The following P2RX3 variants were observed in gnomAD, a reference collection of about 807,000 sequenced individuals.
P2RX3 encodes P2X purinoceptor 3.
In P2RX3, 41 loss-of-function variants were observed where a neutral mutation model predicts 51.5. That is an observed-to-expected ratio of 0.80 (90% CI 0.62 to 1.03). The LOEUF (loss-of-function observed/expected upper bound fraction) is 1.03, where lower values mean the gene tolerates loss of function less well. Ranked by LOEUF, P2RX3 falls within the 50% of genes least tolerant of loss-of-function variation. The pLI is 0.00. For missense variants in P2RX3, 459 were observed against 522.1 expected (o/e 0.88, Z 1.18); for synonymous variants, 185 against 191.6 (o/e 0.97, Z 0.29).
chr11:57,347,793 C>A (rs1856468725), intron 4 of P2RX3, among the ~76,000 whole-genome samples: 1 of 152,084 alleles, frequency 6.6e-6, no homozygotes. Context: ...TACCCAAAGG[C>A]TTCCTTGAGG....
chr11:57,344,901 C>CA (rs1420432857), intron 1 of P2RX3, among the ~76,000 whole-genome samples: 1 of 151,802 alleles, frequency 6.6e-6, no homozygotes, highest in East Asian at 1.9e-4. Flanking sequence ...TGGCTGGGAC[C>CA]CCCGGTACGT....
chr11:57,361,784 T>C (rs1302151386), intron 8 of P2RX3, among the ~76,000 whole-genome samples: 2 of 152,246 alleles, frequency 1.3e-5, no homozygotes, highest in Non-Finnish European at 2.9e-5. Flanking sequence ...GAATGATTTA[T>C]ATTCCTTTGG....
chr11:57,356,040 A>G (rs1856625385), intron 8 of P2RX3, among the ~76,000 whole-genome samples: 1 of 152,162 alleles, frequency 6.6e-6, no homozygotes, highest in Non-Finnish European at 1.5e-5. Flanking sequence ...TAAATAATAA[A>G]TGAAAGCCTA....
chr11:57,362,326 C>T (rs572717843), intron 8 of P2RX3, among the ~76,000 whole-genome samples: 4 of 152,076 alleles, frequency 2.6e-5, no homozygotes, highest in Non-Finnish European at 5.9e-5. Context: ...GTCAAGGTAT[C>T]GAATGGTCCT....
chr11:57,338,647 C>A lies in P2RX3; in HGVS notation c.97C>A (p.Leu33Met). ...IGIINRVVQL[L>M]IISYFVGWVF... ...GATCATCAACCGAGTAGTTCAGCTT[C>A]TGATCATCTCCTACTTTGTAGGGTG... The change falls in exon 1 of 12, where the codon CTG (leucine) becomes ATG (methionine). Residue 33 changes from leucine (L) to methionine (M), a missense_variant. Leu to Met is a conservative substitution (Grantham distance 15). Coordinates refer to ENST00000263314, the MANE Select transcript of P2RX3 (RefSeq NM_002559.5). 3 of 1,588,702 alleles carry A rather than the reference C, an allele frequency of 1.9e-6. No individual in the cohort carries two copies.
At position 57,350,821 on chromosome 11, in the gene P2RX3, G is replaced by A. The variant is rs775673862; in HGVS notation, c.765G>A (p.Gln255=). The change falls in exon 8 of 12, where the codon CAG becomes CAA. Residue 255 remains glutamine (Q), a synonymous_variant. Coordinates refer to ENST00000263314, the MANE Select transcript of P2RX3 (RefSeq NM_002559.5). ...GCGACTTGGACAAGGCCTGGGACCAGTGCATCCCCAAATACTCCTTCACCC... is the reference window on the plus strand; with the variant it reads ...GCGACTTGGACAAGGCCTGGGACCAATGCATCCCCAAATACTCCTTCACCC... ...WVCDLDKAWD[Q]CIPKYSFTRL... is the part of the protein sequence containing the mutation. 2 of 1,614,078 alleles carry A rather than the reference G, an allele frequency of 1.2e-6. No homozygotes were observed. The highest frequency in any genetic ancestry group is 4.5e-5 in the East Asian group (2 of 44,860).
chr11:57,360,102 A>G (rs1046048556), intron 8 of P2RX3, among the ~76,000 whole-genome samples: 1 of 152,208 alleles, frequency 6.6e-6, no homozygotes, highest in Non-Finnish European at 1.5e-5. Context: ...TAACTCATTC[A>G]GCTGTTGTGA....
chr11:57,347,208 GGGTGAAGCAGGTCAA>G (rs753929415), intron 3 of P2RX3, 21 bp downstream of exon 3: 22 of 1,611,004 alleles, frequency 1.4e-5, no homozygotes, highest in Non-Finnish European at 1.9e-5. Flanking sequence ...GACAGAGGTT[GGGTGAAGCAGGTCAA>G]GGCTGAAAAT....
At chr11:57,362,704 G>A (rs1052792522) in intron 8 of P2RX3, among the ~76,000 whole-genome samples, 2 of 152,208 alleles carry the variant, frequency 1.3e-5, no homozygotes, top group Non-Finnish European at 2.9e-5. Context: ...TTCACTCACT[G>A]TTGGTTTTGT....
chr11:57,369,419 A>G lies in P2RX3; in HGVS notation c.1061A>G (p.Lys354Arg). The change falls in exon 11 of 12, where the codon AAA becomes AGA. Residue 354 changes from lysine to arginine, a missense_variant. Physicochemically the swap from Lys to Arg is conservative, Grantham distance 26. Transcript: ENST00000263314. ...TTCCTCAAGGGGGCCGACCAGTACA[A>G]AGCCAAGAAGTTTGAGGAGGTGAGT... ...LNFLKGADQY[K>R]AKKFEEVNET... 1 of 1,608,610 alleles carries G rather than the reference A, an allele frequency of 6.2e-7. No homozygotes were observed. Among genetic ancestry groups the G allele is most frequent in the Non-Finnish European group, 8.5e-7 (1 of 1,177,938 alleles).
At chr11:57,345,737 G>A (rs34555300) in intron 1 of P2RX3, among the ~76,000 whole-genome samples, 1 of 152,060 alleles carries the variant, frequency 6.6e-6, no homozygotes, top group African/African-American at 2.4e-5. Context: ...GGAAGATAGG[G>A]ATGGAAAAAG....
rs937329143 is a variant in P2RX3 at position 57,372,051 on chromosome 11, G to T, written c.*2054G>T. Among the ~76,000 whole-genome samples the T allele has an allele frequency of 3.3e-5, 5 of 152,222 alleles. No individual in the cohort carries two copies. Among genetic ancestry groups the T allele is most frequent in the African/African-American group, 4.8e-5 (2 of 41,450 alleles). On this transcript the variant is annotated 3_prime_UTR_variant, in exon 12 of 12. Transcript: ENST00000263314. ...TGTGCTAGATGTAGGGTTAATATCA[G>T]TAGTGATAAAAACAGCTACCTTGTC...
At chr11:57,350,688 C>T in intron 7 of P2RX3, 74 bp from the exon 8 acceptor site, 3 of 1,573,006 alleles carry the variant, frequency 1.9e-6, no homozygotes, top group Non-Finnish European at 2.6e-6. Context: ...ACCACCTCCA[C>T]CCCACCCCCA....
intron 3 of P2RX3, 99 bp from the exon 4 acceptor site, chr11:57,347,316 C>A: frequency 6.8e-7 from 1 of 1,480,818 alleles, no homozygotes; most frequent in Non-Finnish European, 9.3e-7. Context: ...GGGACCTCCA[C>A]CCTCCTGAGG....
rs1356129273 is a variant in P2RX3 at position 57,369,926 on chromosome 11, G to A, written c.1123G>A (p.Val375Met). ...GAAAATCGCGGCTTTGACCAACCCA[G>A]TGTACCCCAGCGACCAGACCACAGC... ...TLKIAALTNP[V>M]YPSDQTTAEK... The change falls in exon 12 of 12, where the codon GTG becomes ATG. Residue 375 changes from valine to methionine, a missense_variant. Transcript: ENST00000263314. 3 of 1,614,130 alleles carry A rather than the reference G, an allele frequency of 1.9e-6. No homozygotes were observed. The highest frequency in any genetic ancestry group is 2.5e-6 in the Non-Finnish European group (3 of 1,180,014).
At chr11:57,348,550 A>G (rs1856484644) in intron 5 of P2RX3, 77 bp from the exon 6 acceptor site, 1 of 1,245,766 alleles carries the variant, frequency 8.0e-7, no homozygotes. Context: ...TCCACCAGGA[A>G]AGGTCGCCCT....
At chr11:57,351,088 GTC>G (rs1372191814) in intron 8 of P2RX3, among the ~76,000 whole-genome samples, 190 bp downstream of exon 8, 6 of 152,176 alleles carry the variant, frequency 3.9e-5, no homozygotes, top group African/African-American at 1.4e-4. Context: ...GGGAGACAGT[GTC>G]TCCTTATCAC....
intron 8 of P2RX3, among the ~76,000 whole-genome samples, chr11:57,361,864 C>A (rs187630300): frequency 4.6e-5 from 7 of 152,174 alleles, no homozygotes; most frequent in African/African-American, 1.2e-4. Context: ...TCACATGAAG[C>A]CTTGCCTAAC....
intron 8 of P2RX3, among the ~76,000 whole-genome samples, chr11:57,361,356 G>A (rs951512284): frequency 1.3e-5 from 2 of 151,854 alleles, no homozygotes; most frequent in Non-Finnish European, 2.9e-5. Context: ...GTAGGTAAAC[G>A]TGTGCCGTGG....
Sources: allele counts gnomAD v4.1 joint callset (sites outside exome capture counted in the v4.1 genomes callset), GRCh38; gene constraint gnomAD v4.1.1; transcripts MANE v1.5; gene names NCBI Gene and HGNC (gene_info 2026-07-23, HGNC 2026-07-21).